The following CLASRP variants were observed in gnomAD, a reference collection of about 807,000 sequenced individuals.
CLASRP encodes CLK4-associating serine/arginine rich protein.
Under a neutral mutation model 99.9 loss-of-function variants are expected in CLASRP, and 52 were observed. The observed-to-expected ratio is 0.52, with a 90% CI of 0.42 to 0.66. CLASRP has a LOEUF of 0.66. Among genes scored for constraint, CLASRP ranks in the 30% least tolerant of loss-of-function variants. The pLI is 0.00. For missense variants in CLASRP, 848 were observed against 999.2 expected, an observed-to-expected ratio of 0.85 and a Z score of 2.04; for synonymous variants, 379 against 373.0, an observed-to-expected ratio of 1.02 and a Z score of -0.18.
Position 45,042,527 on chromosome 19 carries a change from A to ATG in CLASRP, c.99+2224_99+2225dup, listed in dbSNP as rs1555729160. On this transcript the variant is annotated intron_variant, in intron 2 of 20. Coordinates refer to ENST00000221455, the MANE Select transcript of CLASRP (RefSeq NM_007056.3). ...AAAAAAAATTTATATATATATATAT[A>ATG]TGTGTGTGTATGTATGTATACACAC... is the stretch of plus-strand genomic sequence containing the variant. Among the ~76,000 whole-genome samples, 250 of 151,656 alleles carry ATG rather than the reference A, an allele frequency of 1.6e-3. 1 individual carries two copies. The highest frequency in any genetic ancestry group is 5.8e-3 in the African/African-American group (240 of 41,388).
rs759646648 is a variant in CLASRP, at chr19:45,067,525, C to T, written c.1598C>T (p.Ser533Leu). The T allele has an allele frequency of 9.4e-6, 15 of 1,601,248 alleles. No homozygotes were observed. The highest frequency in any genetic ancestry group is 4.5e-5 in the East Asian group (2 of 44,680). Residue 533 changes from serine (S) to leucine (L), a missense_variant, in exon 14 of 21, where the codon TCG (serine) becomes TTG (leucine). Coordinates refer to ENST00000221455, the MANE Select transcript of CLASRP (RefSeq NM_007056.3). This position sits in a 1 kb window ranked among gnomAD's most constrained non-coding sequence, Gnocchi z 4.9. Reference protein sequence around the residue: ...SRSRSRSQSPSPSPAREKLTR... With the variant: ...SRSRSRSQSPLPSPAREKLTR... ...AGCCGCAGCCGCAGCCAGAGCCCCT[C>T]GCCATCACCCGCAAGAGAGAAGCTG...
chr19:45,069,913 C>T (rs566971237), intron 18 of CLASRP, 109 bp from the exon 19 acceptor site: 5 of 669,954 alleles, frequency 7.5e-6, no homozygotes, highest in African/African-American at 1.8e-5. Context: ...GCAGTACCGG[C>T]CCCCTTGGTT....
At chr19:45,065,848 T>C (rs2122604066) in intron 13 of CLASRP, among the ~76,000 whole-genome samples, 1 of 152,288 alleles carries the variant, frequency 6.6e-6, no homozygotes, top group East Asian at 1.9e-4. Context: ...GGTAAACCCA[T>C]GTAAGGTGCT....
intron 2 of CLASRP, among the ~76,000 whole-genome samples, chr19:45,041,276 A>T (rs929386981): frequency 2.6e-5 from 4 of 151,920 alleles, no homozygotes; most frequent in Non-Finnish European, 4.4e-5. Context: ...GTGAATATTA[A>T]GTGAAACCTG....
chr19:45,068,308 T>TTG, intron 15 of CLASRP, 112 bp from the exon 16 acceptor site: 1 of 663,030 alleles, frequency 1.5e-6, no homozygotes. Flanking sequence ...CCCCACGTCG[T>TTG]TCTCCCCCCC....
chr19:45,048,364 G>A lies in CLASRP; in HGVS notation c.100-3707G>A, dbSNP rs183191044. ...AGCCTGGCCAACATGGTGAAATCCCGTCTCTACTAAAAATACAAAAAATTA... is the reference window on the plus strand; with the variant it reads ...AGCCTGGCCAACATGGTGAAATCCCATCTCTACTAAAAATACAAAAAATTA... On this transcript the variant is annotated intron_variant, in intron 2 of 20. Transcript: ENST00000221455. Among the ~76,000 whole-genome samples the A allele has an allele frequency of 3.8e-3, 564 of 150,316 alleles. 2 individuals carry two copies. Among genetic ancestry groups the A allele is most frequent in the African/African-American group, 0.013 (535 of 40,972 alleles).
At position 45,070,523 on chromosome 19, in the gene CLASRP, T is replaced by A. The variant is rs758017358; in HGVS notation, c.1958-14T>A. The A allele has an allele frequency of 6.2e-7, 1 of 1,613,806 alleles. No individual in the cohort carries two copies. On this transcript the variant is annotated splice_polypyrimidine_tract_variant and intron_variant, in intron 19 of 20. Transcript: ENST00000221455. ...GGATGTTTGCTCGCTCTTCACCTGT[T>A]GTTTTCTTTCCAGGTCGAGAATACA...
chr19:45,041,814 C>T (rs983102936), intron 2 of CLASRP, among the ~76,000 whole-genome samples: 9 of 152,222 alleles, frequency 5.9e-5, no homozygotes, highest in African/African-American at 2.2e-4. Context: ...CACACTCTGC[C>T]TTGTTCCTTT....
chr19:45,069,189 C>G lies in CLASRP; in HGVS notation c.1828-13C>G, dbSNP rs764247766. ...CTGGCCTGGCCACGTCCTCATAGCCCTGTCTGCTGCAGGAGCGGGAAGACG... is the reference window on the plus strand; with the variant it reads ...CTGGCCTGGCCACGTCCTCATAGCCGTGTCTGCTGCAGGAGCGGGAAGACG... On this transcript the variant is annotated splice_polypyrimidine_tract_variant and intron_variant, in intron 17 of 20. Coordinates refer to ENST00000221455, the MANE Select transcript of CLASRP (RefSeq NM_007056.3). 1.2e-6 allele frequency: 2 copies of G among 1,614,080 alleles called. No homozygotes were observed. The highest frequency in any genetic ancestry group is 1.1e-5 in the South Asian group (1 of 91,082).
chr19:45,046,258 A>C lies in CLASRP; in HGVS notation c.100-5813A>C, dbSNP rs541803373. On this transcript the variant is annotated intron_variant, in intron 2 of 20. Transcript: ENST00000221455. ...AGGCTGAATGAGTATGTCCAGATGCAGTTGGTTTCTGTCTTCCTGATTTGT... is the reference window on the plus strand; with the variant it reads ...AGGCTGAATGAGTATGTCCAGATGCCGTTGGTTTCTGTCTTCCTGATTTGT... Among the ~76,000 whole-genome samples the C allele has an allele frequency of 1.5e-4, 23 of 152,260 alleles. No individual in the cohort carries two copies. In the South Asian group the frequency reaches 4.8e-3, roughly 32 times the overall value.
intron 4 of CLASRP, 48 bp downstream of exon 4, chr19:45,052,940 GCCC>G: frequency 6.4e-7 from 1 of 1,556,218 alleles, no homozygotes; most frequent in Non-Finnish European, 8.8e-7. Context: ...ATACCCAGGA[GCCC>G]CTGTTCTTTT....
rs1967172507 is a variant in CLASRP at position 45,069,142 on chromosome 19, G to A, written c.1827+18G>A. ...AGCGGCAGGTGAAGTGGGAAAGGGA[G>A]GGCTGGGGTGACGGGTGGGTGCTGG... On this transcript the variant is annotated intron_variant, in intron 17 of 20. Transcript: ENST00000221455. 5.0e-6 allele frequency: 8 copies of A among 1,613,988 alleles called. No homozygotes were observed. Among genetic ancestry groups the A allele is most frequent in the African/African-American group, 1.3e-5 (1 of 74,916 alleles).
intron 2 of CLASRP, among the ~76,000 whole-genome samples, chr19:45,049,441 C>T (rs1165804478): frequency 6.6e-6 from 1 of 152,168 alleles, no homozygotes; most frequent in African/African-American, 2.4e-5. Context: ...GGCCTGTGGT[C>T]TTGAGTGTTC....
At chr19:45,042,868 C>T (rs1038944135) in intron 2 of CLASRP, among the ~76,000 whole-genome samples, 4 of 152,096 alleles carry the variant, frequency 2.6e-5, no homozygotes, top group African/African-American at 9.7e-5. Flanking sequence ...TTGCTTGCCT[C>T]GGCCTCCCAA....
At chr19:45,053,052 G>GA in intron 4 of CLASRP, 46 bp from the exon 5 acceptor site, 2 of 1,605,742 alleles carry the variant, frequency 1.2e-6, no homozygotes, top group Non-Finnish European at 1.7e-6. Flanking sequence ...CTTGGGGGGG[G>GA]ATCCACTCCT....
chr19:45,058,506 T>G (rs1972164583), intron 7 of CLASRP, among the ~76,000 whole-genome samples: 1 of 152,046 alleles, frequency 6.6e-6, no homozygotes, highest in African/African-American at 2.4e-5. Context: ...CTGCCTCAGC[T>G]TCCCAAGTAG....
chr19:45,039,371 C>CA lies in CLASRP; in HGVS notation c.-30+273dup, dbSNP rs397897298. Reference sequence around the variant, plus strand: ...GCCCCCTTGTCAAAAAAAAAAACAACAAAAAAAAAACCCAGCCCAAATCCT... The same window carrying CA: ...GCCCCCTTGTCAAAAAAAAAAACAACAAAAAAAAAAACCCAGCCCAAATCCT... On this transcript the variant is annotated intron_variant, in intron 1 of 20. Coordinates refer to ENST00000221455, the MANE Select transcript of CLASRP (RefSeq NM_007056.3). 2.6e-3 allele frequency: 384 copies of CA among 145,564 alleles called. 2 individuals carry two copies. Among genetic ancestry groups the CA allele is most frequent in the African/African-American group, 7.9e-3 (303 of 38,422 alleles). 9.0% of individuals were successfully genotyped at this position (145,564 alleles called of 1,614,324 possible).
At chr19:45,039,932 G>A in intron 1 of CLASRP, 1 of 301,716 alleles carries the variant, frequency 3.3e-6, no homozygotes, top group East Asian at 6.5e-5. Context: ...TGGAATCTAG[G>A]ACACCCCTTT....
At chr19:45,066,718 G>A (rs1967095661) in intron 13 of CLASRP, among the ~76,000 whole-genome samples, 2 of 151,114 alleles carry the variant, frequency 1.3e-5, no homozygotes, top group South Asian at 4.2e-4. Flanking sequence ...AGCTTACCCA[G>A]AGCAATGACA....
Sources: allele counts gnomAD v4.1 joint callset (sites outside exome capture counted in the v4.1 genomes callset), GRCh38; gene constraint gnomAD v4.1.1; non-coding constraint Gnocchi (gnomAD v3.1); transcripts MANE v1.5; gene names NCBI Gene and HGNC (gene_info 2026-07-23, HGNC 2026-07-21).